Variants in CDH12 observed in about 807,000 individuals in gnomAD.
The protein encoded by CDH12 is cadherin 12, also known as cadherin-12.
CDH12 carries 41 observed loss-of-function variants against 74.1 expected under a neutral mutation model. That is an observed-to-expected ratio of 0.55 (90% confidence interval 0.43 to 0.72). The LOEUF is 0.72. CDH12 is among the 30% of genes least tolerant of loss of function. The pLI, the probability that CDH12 is intolerant of heterozygous loss-of-function variation, is 0.00. For missense variants in CDH12, 945 were observed against 977.2 expected, an observed-to-expected ratio of 0.97 and a Z score of 0.44; for synonymous variants, 399 against 355.0, an observed-to-expected ratio of 1.12 and a Z score of -1.39.
intron 1 of CDH12, among the ~76,000 whole-genome samples, chr5:22,666,386 T>G (rs1450448014): frequency 6.7e-6 from 1 of 149,378 alleles, no homozygotes; most frequent in African/African-American, 2.5e-5. Context: ...GCCTCCCGGG[T>G]TCACGCCATT....
chr5:21,877,518 T>C (rs1206994787), intron 6 of CDH12, among the ~76,000 whole-genome samples: 2 of 152,172 alleles, frequency 1.3e-5, no homozygotes, highest in African/African-American at 4.8e-5. Context: ...AACAAATAAG[T>C]CTGGCTAAGA....
intron 2 of CDH12, among the ~76,000 whole-genome samples, chr5:22,470,813 A>G (rs1412340294): frequency 1.3e-5 from 2 of 150,406 alleles, no homozygotes; most frequent in Non-Finnish European, 2.9e-5. Flanking sequence ...AGTGTAGGGC[A>G]CTTCTGAGCC....
chr5:21,924,802 AT>A (rs780503268), intron 6 of CDH12, among the ~76,000 whole-genome samples: 1 of 152,246 alleles, frequency 6.6e-6, no homozygotes, highest in East Asian at 1.9e-4. Flanking sequence ...ACTATCTACA[AT>A]TATTCAAATG....
chr5:21,795,930 G>C (rs1279829359), intron 10 of CDH12, among the ~76,000 whole-genome samples: 1 of 151,730 alleles, frequency 6.6e-6, no homozygotes, highest in Non-Finnish European at 1.5e-5. Flanking sequence ...ACAAAAGTGT[G>C]GTAAAAAGAC....
intron 1 of CDH12, among the ~76,000 whole-genome samples, chr5:22,646,167 T>C (rs913283351): frequency 1.3e-5 from 2 of 151,888 alleles, no homozygotes; most frequent in African/African-American, 4.8e-5. Context: ...CTTATCTTTA[T>C]AGACTCATTG....
chr5:21,995,198 C>T (rs577996896), intron 5 of CDH12, among the ~76,000 whole-genome samples: 3 of 151,796 alleles, frequency 2.0e-5, no homozygotes, highest in South Asian at 4.2e-4. Flanking sequence ...TTGAAGTCAG[C>T]GAGACCAAGA....
chr5:22,738,780 T>A (rs913467051), intron 1 of CDH12, among the ~76,000 whole-genome samples: 1 of 152,200 alleles, frequency 6.6e-6, no homozygotes, highest in Non-Finnish European at 1.5e-5. Flanking sequence ...TGTTAATTAC[T>A]TCAAAGGCAC....
At chr5:21,997,975 A>T (rs1332782429) in intron 5 of CDH12, among the ~76,000 whole-genome samples, 3 of 152,128 alleles carry the variant, frequency 2.0e-5, no homozygotes, top group African/African-American at 7.2e-5. Context: ...TTTCCTTAGC[A>T]GGAAAACTTG....
At chr5:22,022,991 A>G (rs1368201071) in intron 5 of CDH12, among the ~76,000 whole-genome samples, 1 of 152,146 alleles carries the variant, frequency 6.6e-6, no homozygotes, top group Non-Finnish European at 1.5e-5. Flanking sequence ...TCACAAAGTA[A>G]TTTTAGGAGC....
intron 6 of CDH12, among the ~76,000 whole-genome samples, chr5:21,876,433 A>G (rs1751943774): frequency 6.6e-6 from 1 of 152,166 alleles, no homozygotes; most frequent in African/African-American, 2.4e-5. Flanking sequence ...ACCATCATTT[A>G]TACTTTCCGG....
chr5:21,836,892 T>G (rs991682301), intron 8 of CDH12, among the ~76,000 whole-genome samples: 1 of 151,978 alleles, frequency 6.6e-6, no homozygotes, highest in African/African-American at 2.4e-5. Flanking sequence ...GTTACCGCTC[T>G]TTTAATATGG....
chr5:22,314,941 C>CTTTTTTTTTTTTTTTTTTTTTTT (rs759734847), intron 3 of CDH12, among the ~76,000 whole-genome samples: 1 of 67,770 alleles, frequency 1.5e-5, no homozygotes, highest in Non-Finnish European at 2.5e-5. Flanking sequence ...CTGGGTTGGT[C>CTTTTTTTTTTTTTTTTTTTTTTT]TTTTTTTTTT....
chr5:21,903,501 G>A (rs1035831034), intron 6 of CDH12, among the ~76,000 whole-genome samples: 1 of 151,986 alleles, frequency 6.6e-6, no homozygotes, highest in Non-Finnish European at 1.5e-5. Context: ...GAAGGCTAAG[G>A]GTTCGTTATC....
At chr5:22,536,844 C>T (rs1737868970) in intron 1 of CDH12, among the ~76,000 whole-genome samples, 1 of 152,182 alleles carries the variant, frequency 6.6e-6, no homozygotes, top group South Asian at 2.1e-4. Context: ...AGCCCTGAAT[C>T]CACTTGACTG....
chr5:22,051,575 G>C (rs1740370401), intron 5 of CDH12, among the ~76,000 whole-genome samples: 1 of 152,066 alleles, frequency 6.6e-6, no homozygotes, highest in Admixed American at 6.6e-5. Flanking sequence ...TGGTCACGCT[G>C]TATTCTTTCT....
At chr5:22,236,714 C>G (rs1157187209) in intron 3 of CDH12, among the ~76,000 whole-genome samples, 2 of 152,090 alleles carry the variant, frequency 1.3e-5, no homozygotes, top group Non-Finnish European at 2.9e-5. Context: ...CCACTGCACG[C>G]CACTCTGGGC....
At chr5:21,979,321 A>C (rs1384251410) in intron 5 of CDH12, among the ~76,000 whole-genome samples, 1 of 152,176 alleles carries the variant, frequency 6.6e-6, no homozygotes, top group African/African-American at 2.4e-5. Flanking sequence ...TCTATAAATG[A>C]TGGCTGTAGA....
chr5:21,839,233 T>C (rs1749706389), intron 8 of CDH12, among the ~76,000 whole-genome samples: 1 of 152,164 alleles, frequency 6.6e-6, no homozygotes, highest in Non-Finnish European at 1.5e-5. Flanking sequence ...TCTCCTTTTA[T>C]ATCTCTTTTT....
At chr5:22,618,914 G>A (rs547839631) in intron 1 of CDH12, among the ~76,000 whole-genome samples, 1 of 152,068 alleles carries the variant, frequency 6.6e-6, no homozygotes, top group Admixed American at 6.6e-5. Context: ...AAACTCCCTT[G>A]CCTGCTGCCA....
Sources: allele counts gnomAD v4.1 joint callset (sites outside exome capture counted in the v4.1 genomes callset), GRCh38; gene constraint gnomAD v4.1.1; transcripts MANE v1.5; gene names NCBI Gene and HGNC (gene_info 2026-07-23, HGNC 2026-07-21).